The following GALNTL6 variants were observed in gnomAD, a reference collection of about 807,000 sequenced individuals.
The protein encoded by GALNTL6 is polypeptide N-acetylgalactosaminyltransferase like 6, also known as polypeptide N-acetylgalactosaminyltransferase-like 6.
Under a neutral mutation model 73.7 loss-of-function variants are expected in GALNTL6, and 46 were observed. The ratio of observed to expected loss-of-function variants is 0.62; its 90% CI spans 0.49 to 0.80. The LOEUF (loss-of-function observed/expected upper bound fraction) is 0.80, where lower values mean the gene tolerates loss of function less well. Among genes scored for constraint, GALNTL6 ranks in the 30% least tolerant of loss-of-function variants. GALNTL6 has a pLI of 0.00. For missense variants in GALNTL6, 604 were observed against 755.0 expected (o/e 0.80, Z 2.34); for synonymous variants, 259 against 263.7 (o/e 0.98, Z 0.17).
chr4:172,941,503 A>G (rs1045978344), intron 9 of GALNTL6, among the ~76,000 whole-genome samples: 1 of 152,160 alleles, frequency 6.6e-6, no homozygotes, highest in Non-Finnish European at 1.5e-5. Flanking sequence ...GCGGTTATTG[A>G]GCATTTACAT....
rs554339467 is a variant in GALNTL6 at position 171,865,094 on chromosome 4, C to T, written c.138+50376C>T. 4.9e-4 allele frequency among the ~76,000 whole-genome samples: 75 copies of T among 151,806 alleles called. 1 individual carries two copies. Among genetic ancestry groups the T allele is most frequent in the African/African-American group, 1.7e-3 (72 of 41,360 alleles). ...CCGGGAGGCGGAGATTGCCGTGAAC[C>T]GAGATCACGCCATTGCACTCCAGCC... On this transcript the variant is annotated intron_variant, in intron 2 of 12. Coordinates refer to ENST00000506823, the MANE Select transcript of GALNTL6 (RefSeq NM_001034845.3).
intron 5 of GALNTL6, among the ~76,000 whole-genome samples, chr4:172,770,864 A>G (rs1336901926): frequency 6.6e-6 from 1 of 152,206 alleles, no homozygotes; most frequent in Non-Finnish European, 1.5e-5. Context: ...CAAGACTAAT[A>G]TTTTTATCCT....
chr4:173,003,258 T>C (rs1357717127), intron 10 of GALNTL6, among the ~76,000 whole-genome samples: 2 of 152,092 alleles, frequency 1.3e-5, no homozygotes, highest in African/African-American at 2.4e-5. Context: ...CAGAAATTGT[T>C]CATTCATTGA....
At chr4:172,472,072 A>G (rs1733073173) in intron 5 of GALNTL6, among the ~76,000 whole-genome samples, 1 of 152,220 alleles carries the variant, frequency 6.6e-6, no homozygotes, top group African/African-American at 2.4e-5. Flanking sequence ...TCTCCATGCT[A>G]TATATGCTAT....
chr4:172,794,063 C>T (rs1740137861), intron 5 of GALNTL6, among the ~76,000 whole-genome samples: 1 of 152,144 alleles, frequency 6.6e-6, no homozygotes, highest in African/African-American at 2.4e-5. Context: ...GAAATGCAGT[C>T]ATCCTGCATC....
intron 5 of GALNTL6, among the ~76,000 whole-genome samples, chr4:172,583,771 C>T (rs1057336618): frequency 1.3e-5 from 2 of 151,594 alleles, no homozygotes; most frequent in Non-Finnish European, 2.9e-5. Flanking sequence ...GTGGCACACG[C>T]CTGTAATCCC....
chr4:172,417,767 T>C (rs1332423753), intron 5 of GALNTL6, among the ~76,000 whole-genome samples: 1 of 152,186 alleles, frequency 6.6e-6, no homozygotes, highest in African/African-American at 2.4e-5. Context: ...TGGAAGAGAG[T>C]ATCAAGTGGA....
chr4:171,856,684 G>C (rs1735701391), intron 2 of GALNTL6, among the ~76,000 whole-genome samples: 1 of 152,104 alleles, frequency 6.6e-6, no homozygotes, highest in Non-Finnish European at 1.5e-5. Flanking sequence ...TTATTGAAAA[G>C]CTTATTCTTT....
intron 2 of GALNTL6, among the ~76,000 whole-genome samples, chr4:172,209,037 A>C (rs1318910539): frequency 6.6e-6 from 1 of 152,052 alleles, no homozygotes; most frequent in Non-Finnish European, 1.5e-5. Flanking sequence ...TCTCAAGTAC[A>C]TTTTTTCCTG....
chr4:171,853,012 A>AT (rs765984611), intron 2 of GALNTL6, among the ~76,000 whole-genome samples: 8,337 of 86,714 alleles, frequency 0.096, 550 homozygotes, highest in South Asian at 0.25. Flanking sequence ...CGCCCGGCTA[A>AT]TTTTTTTTTT....
chr4:171,950,257 CAA>C (rs777500096), intron 2 of GALNTL6, among the ~76,000 whole-genome samples: 1 of 151,766 alleles, frequency 6.6e-6, no homozygotes, highest in Non-Finnish European at 1.5e-5. Flanking sequence ...ATCAAAGAAA[CAA>C]GAGAAATTCA....
chr4:172,911,369 A>G (rs948003344), intron 8 of GALNTL6, among the ~76,000 whole-genome samples: 1 of 152,142 alleles, frequency 6.6e-6, no homozygotes, highest in Non-Finnish European at 1.5e-5. Context: ...ATACCTTCTC[A>G]TTGCTTTTAT....
intron 2 of GALNTL6, among the ~76,000 whole-genome samples, chr4:172,149,914 G>A (rs1238830403): frequency 6.6e-6 from 1 of 152,108 alleles, no homozygotes; most frequent in Non-Finnish European, 1.5e-5. Context: ...GAATGGTTGG[G>A]GCAGAACAAA....
intron 2 of GALNTL6, among the ~76,000 whole-genome samples, chr4:171,963,084 T>A (rs1050676890): frequency 2.1e-5 from 3 of 140,724 alleles, no homozygotes; most frequent in African/African-American, 5.1e-5. Context: ...TTTTTTTTTT[T>A]AAAGAGAAAC....
intron 5 of GALNTL6, among the ~76,000 whole-genome samples, chr4:172,707,739 A>G (rs1734443880): frequency 6.6e-6 from 1 of 152,162 alleles, no homozygotes; most frequent in Non-Finnish European, 1.5e-5. Flanking sequence ...CTGGGGATTT[A>G]TAGCCAACAA....
chr4:172,273,527 C>T (rs2111063135), intron 3 of GALNTL6, among the ~76,000 whole-genome samples: 1 of 152,250 alleles, frequency 6.6e-6, no homozygotes, highest in East Asian at 1.9e-4. Context: ...TGCTGAGAAA[C>T]ACTGGTGCAC....
intron 2 of GALNTL6, among the ~76,000 whole-genome samples, chr4:171,905,584 C>T (rs1305612988): frequency 8.0e-5 from 12 of 150,188 alleles, no homozygotes; most frequent in East Asian, 1.9e-4. Flanking sequence ...GACAGATCAA[C>T]GAGACAGAAA....
chr4:172,277,788 T>C (rs1738889533), intron 3 of GALNTL6, among the ~76,000 whole-genome samples: 1 of 152,226 alleles, frequency 6.6e-6, no homozygotes, highest in African/African-American at 2.4e-5. Flanking sequence ...TGTAGTGGTT[T>C]TGTTAAACCC....
intron 5 of GALNTL6, among the ~76,000 whole-genome samples, chr4:172,367,875 A>C (rs1344749234): frequency 6.6e-6 from 1 of 152,202 alleles, no homozygotes; most frequent in African/African-American, 2.4e-5. Flanking sequence ...TATAAGGTTA[A>C]TGTAAATTTG....
Sources: gnomAD v4.1 joint callset for allele counts (sites outside exome capture counted in the v4.1 genomes callset) on GRCh38, gnomAD v4.1.1 for gene constraint, MANE v1.5 for transcripts, NCBI Gene and HGNC (gene_info 2026-07-23, HGNC 2026-07-21) for gene names.